AZIN1: variants seen among roughly 807,000 people sequenced by gnomAD.
AZIN1 encodes ornithine decarboxylase antizyme inhibitor.
In AZIN1, 12 loss-of-function variants were observed where a neutral mutation model predicts 47.4. That is an observed-to-expected ratio of 0.25 (90% CI 0.16 to 0.41). AZIN1 has a LOEUF of 0.41. AZIN1 is among the 10% of genes least tolerant of loss of function. AZIN1 has a pLI of 1.00. For missense variants in AZIN1, 410 were observed against 532.4 expected (o/e 0.77, Z 2.26); for synonymous variants, 155 against 176.3 (o/e 0.88, Z 0.96).
rs1448323184 is a variant in AZIN1, at chr8:102,833,169, G to A, written c.791C>T (p.Ser264Phe). 1.9e-6 allele frequency: 3 copies of A among 1,613,580 alleles called. No homozygotes were observed. In the Admixed American group the frequency reaches 5.0e-5, roughly 27 times the overall value. Residue 264 changes from serine (S) to phenylalanine (F), a missense_variant, in exon 9 of 12, where the codon TCT becomes TTT. This residue lies in a region of AZIN1 where 5 missense variants were observed against 24.6 expected (regional missense o/e 0.20). Coordinates refer to ENST00000337198, the MANE Select transcript of AZIN1 (RefSeq NM_148174.4). ...PLLDIYFPEG[S>F]GVKIISEPGS... The stretch of plus-strand genomic sequence containing the variant: ...GGGTTCTGAAATTATCTTAACACCA[G>A]ATCCTTCAGGAAAGTAGATATCCAA...
At chr8:102,836,902 A>AT (rs1284409405) in intron 5 of AZIN1, among the ~76,000 whole-genome samples, 3 of 151,664 alleles carry the variant, frequency 2.0e-5, no homozygotes, top group South Asian at 4.2e-4. Context: ...CATTTTTTAA[A>AT]TTTTTTTTTC....
chr8:102,843,734 G>A lies in AZIN1; in HGVS notation c.-82C>T. ...CACCAAGCCTATGTCTGGGTCCTTAGAATATGCAACAAACTGTCAAAATAT... is the reference window on the plus strand; with the variant it reads ...CACCAAGCCTATGTCTGGGTCCTTAAAATATGCAACAAACTGTCAAAATAT... On this transcript the variant is annotated 5_prime_UTR_variant, in exon 3 of 12. Coordinates refer to ENST00000337198, the MANE Select transcript of AZIN1 (RefSeq NM_148174.4). The A allele has an allele frequency of 6.4e-7, 1 of 1,569,752 alleles. No homozygotes were observed. Among genetic ancestry groups the A allele is most frequent in the Non-Finnish European group, 8.6e-7 (1 of 1,162,012 alleles).
intron 2 of AZIN1, among the ~76,000 whole-genome samples, chr8:102,856,410 G>A (rs1265208993): frequency 6.6e-6 from 1 of 152,140 alleles, no homozygotes; most frequent in Non-Finnish European, 1.5e-5. Flanking sequence ...CCCACAAAGA[G>A]GGAGACACTA....
At chr8:102,848,622 G>A (rs1012445007) in intron 2 of AZIN1, among the ~76,000 whole-genome samples, 1 of 152,142 alleles carries the variant, frequency 6.6e-6, no homozygotes, top group Non-Finnish European at 1.5e-5. Context: ...CAACTGAAAA[G>A]GGACAAGTAG....
At chr8:102,846,066 T>C (rs1039592985) in intron 2 of AZIN1, among the ~76,000 whole-genome samples, 5 of 152,226 alleles carry the variant, frequency 3.3e-5, no homozygotes, top group Admixed American at 3.3e-4. Flanking sequence ...CTAATATATA[T>C]GTAGTATTTA....
intron 5 of AZIN1, among the ~76,000 whole-genome samples, chr8:102,838,218 G>A (rs969640315): frequency 7.2e-5 from 11 of 152,106 alleles, no homozygotes; most frequent in African/African-American, 2.7e-4. Context: ...GATACATGAA[G>A]ATGCAAGTAA....
intron 2 of AZIN1, among the ~76,000 whole-genome samples, chr8:102,846,708 A>C (rs1241972835): frequency 6.6e-6 from 1 of 152,106 alleles, no homozygotes; most frequent in African/African-American, 2.4e-5. Context: ...ATATCCACAT[A>C]ATCAACTAAC....
chr8:102,854,651 C>G (rs1308869089), intron 2 of AZIN1: 1 of 144,674 alleles, frequency 6.9e-6, no homozygotes, highest in Non-Finnish European at 1.5e-5. Flanking sequence ...TTAAAATAAT[C>G]CTAATTAGGT....
intron 2 of AZIN1, among the ~76,000 whole-genome samples, chr8:102,845,223 T>TCC (rs981192646): frequency 2.0e-5 from 3 of 152,138 alleles, no homozygotes; most frequent in African/African-American, 7.2e-5. Context: ...TTTCGATGGT[T>TCC]CTTAAAAGTG....
At chr8:102,834,360 T>A in intron 7 of AZIN1, 97 bp from the exon 8 acceptor site, 1 of 939,042 alleles carries the variant, frequency 1.1e-6, no homozygotes, top group South Asian at 1.5e-5. Flanking sequence ...ATATCTGTTC[T>A]GATCTTTAGT....
chr8:102,842,149 G>A (rs1486719668), intron 3 of AZIN1, among the ~76,000 whole-genome samples: 2 of 152,096 alleles, frequency 1.3e-5, no homozygotes, highest in African/African-American at 4.8e-5. Context: ...TTAAGTAGCA[G>A]TGAGTATATG....
At chr8:102,838,530 C>T (rs1811968521) in intron 5 of AZIN1, among the ~76,000 whole-genome samples, 1 of 152,138 alleles carries the variant, frequency 6.6e-6, no homozygotes, top group Admixed American at 6.5e-5. Flanking sequence ...CCCCAAACTG[C>T]TCTTATTTTT....
rs1377193402 is a variant in AZIN1, at chr8:102,833,085, A to G, written c.875T>C (p.Val292Ala). The change falls in exon 9 of 12, where the codon GTT becomes GCT. Residue 292 changes from valine to alanine, a missense_variant. By Grantham distance (64) the Val-to-Ala change is moderately conservative (BLOSUM62 0). Coordinates refer to ENST00000337198, the MANE Select transcript of AZIN1 (RefSeq NM_148174.4). ...AGAGGGAAATTTATCATTTTCAACA[A>G]CTTTCTTTGCTATGATATTAACTGC... ...TLAVNIIAKK[V>A]VENDKFPSGV... 1 of 1,612,434 alleles carries G rather than the reference A, an allele frequency of 6.2e-7. No individual in the cohort carries two copies. Among genetic ancestry groups the G allele is most frequent in the Admixed American group, 1.7e-5 (1 of 59,904 alleles).
intron 1 of AZIN1, among the ~76,000 whole-genome samples, chr8:102,862,906 A>T (rs527555739): frequency 2.6e-5 from 4 of 152,356 alleles, no homozygotes; most frequent in African/African-American, 7.2e-5. Context: ...GGGTTAGAAC[A>T]TGTTACCACC....
At chr8:102,830,715 A>T (rs1811399532) in intron 9 of AZIN1, among the ~76,000 whole-genome samples, 1 of 152,178 alleles carries the variant, frequency 6.6e-6, no homozygotes, top group South Asian at 2.1e-4. Flanking sequence ...CATCAGGTAA[A>T]TGCAAATTAA....
At chr8:102,860,039 CT>C (rs1813532572) in intron 1 of AZIN1, among the ~76,000 whole-genome samples, 1 of 152,088 alleles carries the variant, frequency 6.6e-6, no homozygotes, top group African/African-American at 2.4e-5. Flanking sequence ...CTTATAAGCA[CT>C]TACATACAGG....
chr8:102,828,700 TAA>T lies in AZIN1; in HGVS notation c.1236-24_1236-23del. The T allele has an allele frequency of 3.3e-6, 5 of 1,537,642 alleles. 1 individual carries two copies. ...ATACCTACGTAGAAAAAAAATCAGCTAAATTCTCAGTTTAAGCCCAAAGACCA... is the reference window on the plus strand; with the variant it reads ...ATACCTACGTAGAAAAAAAATCAGCTATTCTCAGTTTAAGCCCAAAGACCA... On this transcript the variant is annotated intron_variant, in intron 11 of 11. Coordinates refer to ENST00000337198, the MANE Select transcript of AZIN1 (RefSeq NM_148174.4).
chr8:102,838,593 A>T, intron 5 of AZIN1, 151 bp downstream of exon 5: 1 of 568,526 alleles, frequency 1.8e-6, no homozygotes, highest in South Asian at 2.9e-5. Context: ...ATAAAATGTT[A>T]CTAGTGTTTC....
At chr8:102,837,521 A>T (rs1811900749) in intron 5 of AZIN1, among the ~76,000 whole-genome samples, 1 of 152,230 alleles carries the variant, frequency 6.6e-6, no homozygotes, top group Non-Finnish European at 1.5e-5. Flanking sequence ...GACAAGATTG[A>T]TGAAAGCAAA....
Sources: gnomAD v4.1 joint callset for allele counts (sites outside exome capture counted in the v4.1 genomes callset) on GRCh38, gnomAD v4.1.1 for gene constraint, gnomAD v4.1.1 regional missense constraint, MANE v1.5 for transcripts, NCBI Gene and HGNC (gene_info 2026-07-23, HGNC 2026-07-21) for gene names.